The following SNX29 variants were observed in gnomAD, a reference collection of about 807,000 sequenced individuals.
SNX29 encodes the protein sorting nexin-29.
SNX29 carries 78 observed loss-of-function variants against 102.1 expected under a neutral mutation model. The ratio of observed to expected loss-of-function variants is 0.76; its 90% CI spans 0.64 to 0.92. SNX29 has a LOEUF of 0.92. Among genes scored for constraint, SNX29 ranks in the 40% least tolerant of loss-of-function variants. The probability of loss-of-function intolerance (pLI) is 0.00; values close to 1 mark genes in which losing one functional copy is unlikely to be tolerated. For missense variants in SNX29, 1,280 were observed against 1,061.7 expected, an observed-to-expected ratio of 1.21 and a Z score of -2.86; for synonymous variants, 580 against 414.5, an observed-to-expected ratio of 1.40 and a Z score of -4.85.
chr16:12,526,902 T>G (rs2076799482), intron 20 of SNX29: 2 of 394,690 alleles, frequency 5.1e-6, no homozygotes, highest in South Asian at 5.3e-5. Flanking sequence ...ATCTCAGCCA[T>G]GCTGGTTGCC....
rs545873018 is a variant in SNX29 at position 12,569,890 on chromosome 16, C to T, written c.*1261C>T. The T allele has an allele frequency of 4.8e-4, 111 of 231,408 alleles. 1 individual carries two copies. Among genetic ancestry groups the T allele is most frequent in the African/African-American group, 2.1e-3 (95 of 45,178 alleles). The allele number at this position is 231,408 out of a possible 1,614,324, so 14.3% of individuals were successfully genotyped here. The stretch of plus-strand genomic sequence containing the variant: ...TATGCAAGAGTAAGTTTGTGTGTTT[C>T]GCCTTAATCTGAGGCAGAGACACAG... On this transcript the variant is annotated 3_prime_UTR_variant, in exon 21 of 21. Transcript: ENST00000566228.
At chr16:12,053,974 T>G (rs973060661) in intron 8 of SNX29, among the ~76,000 whole-genome samples, 23 of 144,014 alleles carry the variant, frequency 1.6e-4, no homozygotes, top group African/African-American at 2.3e-4. Flanking sequence ...TCAGTTTTTG[T>G]TTTTTTTTTT....
intron 13 of SNX29, among the ~76,000 whole-genome samples, chr16:12,178,652 G>A (rs2076315070): frequency 6.6e-6 from 1 of 152,212 alleles, no homozygotes; most frequent in African/African-American, 2.4e-5. Flanking sequence ...GACCTTCCAG[G>A]GTATGGCCCG....
At chr16:12,066,106 C>T (rs997604323) in intron 9 of SNX29, among the ~76,000 whole-genome samples, 4 of 152,140 alleles carry the variant, frequency 2.6e-5, no homozygotes, top group Non-Finnish European at 5.9e-5. Context: ...TGAGCGCTCT[C>T]ATTGAAGGCT....
At chr16:12,468,529 C>T (rs2087182491) in intron 18 of SNX29, among the ~76,000 whole-genome samples, 1 of 152,012 alleles carries the variant, frequency 6.6e-6, no homozygotes, top group Non-Finnish European at 1.5e-5. Context: ...CACTCCCAGG[C>T]GTGGTGCCCC....
At chr16:12,385,283 TGACA>T (rs1385688970) in intron 16 of SNX29, among the ~76,000 whole-genome samples, 3 of 152,212 alleles carry the variant, frequency 2.0e-5, no homozygotes, top group African/African-American at 7.2e-5. Flanking sequence ...GAATAAACCT[TGACA>T]GACCCACGTC....
chr16:12,465,380 A>G (rs1281607199), intron 18 of SNX29, among the ~76,000 whole-genome samples: 1 of 152,152 alleles, frequency 6.6e-6, no homozygotes, highest in Non-Finnish European at 1.5e-5. Context: ...ATTTCATGAT[A>G]ATTTTTATAT....
intron 14 of SNX29, among the ~76,000 whole-genome samples, chr16:12,219,383 C>T (rs185155406): frequency 8.4e-4 from 128 of 152,174 alleles, no homozygotes; most frequent in Non-Finnish European, 1.2e-3. Flanking sequence ...GAGACACAAC[C>T]TTCTGGGAAC....
At chr16:12,448,210 GGTCT>G (rs1484328974) in intron 18 of SNX29, among the ~76,000 whole-genome samples, 1 of 152,178 alleles carries the variant, frequency 6.6e-6, no homozygotes, top group Non-Finnish European at 1.5e-5. Flanking sequence ...CTTGCGTCCG[GGTCT>G]GTCTCACTTC....
intron 11 of SNX29, among the ~76,000 whole-genome samples, chr16:12,079,567 A>G (rs2051760497): frequency 6.6e-6 from 1 of 152,144 alleles, no homozygotes; most frequent in East Asian, 1.9e-4. Flanking sequence ...TTTGGGAGGC[A>G]CCTAGCATTT....
At chr16:12,119,209 C>T (rs898625682) in intron 11 of SNX29, among the ~76,000 whole-genome samples, 1 of 152,172 alleles carries the variant, frequency 6.6e-6, no homozygotes, top group African/African-American at 2.4e-5. Context: ...AGGGACTGCT[C>T]CTTAGCCGGG....
rs1409852864 is a variant in SNX29 at position 12,362,570 on chromosome 16, C to CCA, written c.1899+6292_1899+6293insAC. 6.4e-5 allele frequency among the ~76,000 whole-genome samples: 5 copies of CCA among 78,278 alleles called. 1 individual carries two copies. The highest frequency in any genetic ancestry group is 2.2e-4 in the African/African-American group (5 of 22,378). The allele number at this position is 78,278 out of a possible 152,430, so 51.4% of individuals were successfully genotyped here. A position where few individuals can be genotyped will look rare whatever the true frequency, so the allele number is the denominator to read the frequency against. The stretch of plus-strand genomic sequence containing the variant: ...TGCTGCACTCCCCCCCCACCCCCCC[C>CCA]CCCACCAGTTTCTCCTCATGCTCCC... On this transcript the variant is annotated intron_variant, in intron 16 of 20. Transcript: ENST00000566228.
chr16:12,531,157 C>G (rs557245906), intron 20 of SNX29, among the ~76,000 whole-genome samples: 3 of 152,202 alleles, frequency 2.0e-5, no homozygotes, highest in Admixed American at 6.5e-5. Context: ...TGATCTGGAT[C>G]GAAGGGGAAG....
chr16:12,345,244 C>T (rs997695872), intron 15 of SNX29, among the ~76,000 whole-genome samples: 1 of 152,206 alleles, frequency 6.6e-6, no homozygotes, highest in Admixed American at 6.5e-5. Context: ...GGGGGAGCCT[C>T]ATGTAACAGA....
At position 12,524,699 on chromosome 16, in the gene SNX29, C is replaced by A. The variant is rs371890027; in HGVS notation, c.2179-3C>A. On this transcript the variant is annotated splice_polypyrimidine_tract_variant and splice_region_variant and intron_variant, in intron 19 of 20. Transcript: ENST00000566228. The stretch of plus-strand genomic sequence containing the variant: ...AAAGCGAAGATGTTTTGTGTTTCCT[C>A]AGGATGCCAAGTTTGTGGAGGAACG... 164 of 1,612,672 alleles carry A rather than the reference C, an allele frequency of 1.0e-4. No individual in the cohort carries two copies. The highest frequency in any genetic ancestry group is 1.3e-4 in the Non-Finnish European group (157 of 1,179,344).
chr16:12,336,381 A>G (rs1209152647), intron 15 of SNX29, among the ~76,000 whole-genome samples: 1 of 152,230 alleles, frequency 6.6e-6, no homozygotes, highest in African/African-American at 2.4e-5. Flanking sequence ...TTGACATGAA[A>G]CTGTGTCCCT....
chr16:12,455,807 C>T (rs141482284), intron 18 of SNX29, among the ~76,000 whole-genome samples: 119 of 152,262 alleles, frequency 7.8e-4, no homozygotes, highest in African/African-American at 2.7e-3. Flanking sequence ...GTAGGTGGCC[C>T]GGTATGGAGG....
chr16:12,463,199 G>T (rs982049508), intron 18 of SNX29, among the ~76,000 whole-genome samples: 1 of 152,210 alleles, frequency 6.6e-6, no homozygotes, highest in Non-Finnish European at 1.5e-5. Flanking sequence ...TCTCTGCATT[G>T]CTACTCAAAC....
rs2079153878 is a variant in SNX29, at chr16:12,570,059, G to T, written c.*1430G>T. The T allele has an allele frequency of 1.6e-6, 1 of 608,038 alleles. No homozygotes were observed. The highest frequency in any genetic ancestry group is 5.6e-5 in the East Asian group (1 of 17,966). The allele number at this position is 608,038 out of a possible 1,614,324, so 37.7% of individuals were successfully genotyped here. ...ATCTCCTAGGCTCGAGGACATCTCTGGAGAATCATCTGGAAGGTTTATACT... is the reference window on the plus strand; with the variant it reads ...ATCTCCTAGGCTCGAGGACATCTCTTGAGAATCATCTGGAAGGTTTATACT... On this transcript the variant is annotated 3_prime_UTR_variant, in exon 21 of 21. Coordinates refer to ENST00000566228, the MANE Select transcript of SNX29 (RefSeq NM_032167.5).
Sources: allele counts gnomAD v4.1 joint callset (sites outside exome capture counted in the v4.1 genomes callset), GRCh38; gene constraint gnomAD v4.1.1; transcripts MANE v1.5; gene names NCBI Gene and HGNC (gene_info 2026-07-23, HGNC 2026-07-21).